SLCO3A1: variants seen among roughly 807,000 people sequenced by gnomAD.
SLCO3A1 encodes the protein solute carrier organic anion transporter family member 3A1, also known as PGE1 transporter.
A neutral mutation model predicts 63.1 loss-of-function variants in SLCO3A1; 27 were observed. That is an observed-to-expected ratio of 0.43 (90% CI 0.32 to 0.59). The LOEUF is 0.59. SLCO3A1 is among the 20% of genes least tolerant of loss of function. The pLI is 0.09. For synonymous variants in SLCO3A1, 473 were observed against 409.9 expected (o/e 1.15, Z -1.86); for missense variants, 773 against 945.8 (o/e 0.82, Z 2.40).
Position 91,885,286 on chromosome 15 carries a change from G to A in SLCO3A1, c.181-30707G>A, listed in dbSNP as rs1368357235. Reference sequence around the variant, plus strand: ...TCTTCCTTCTCCAGGGCTACCTCCTGAGGGCTCACTCCTTAAAGGCAGGAT... The same window carrying A: ...TCTTCCTTCTCCAGGGCTACCTCCTAAGGGCTCACTCCTTAAAGGCAGGAT... On this transcript the variant is annotated intron_variant, in intron 1 of 9. Transcript: ENST00000318445. The surrounding 1 kb of genome is among the most constrained non-coding windows in gnomAD (Gnocchi z 4.7). 3.9e-5 allele frequency among the ~76,000 whole-genome samples: 6 copies of A among 152,196 alleles called. No homozygotes were observed. The East Asian group carries it at 1.2e-3, about 29-fold the overall frequency.
chr15:92,123,429 A>C (rs1318488823), intron 5 of SLCO3A1, among the ~76,000 whole-genome samples: 1 of 152,032 alleles, frequency 6.6e-6, no homozygotes, highest in Admixed American at 6.6e-5. Context: ...TAAATAAATA[A>C]ATAAAATAAA....
Position 91,923,478 on chromosome 15 carries a change from A to G in SLCO3A1, c.646+7020A>G, listed in dbSNP as rs1898914161. ...ATCTCAAAGTGCATGAAGTGCTAGC[A>G]TTGCCCCAGGCAGGAGGAGAGCCAG... On this transcript the variant is annotated intron_variant, in intron 2 of 9. Coordinates refer to ENST00000318445, the MANE Select transcript of SLCO3A1 (RefSeq NM_013272.4). 3.9e-5 allele frequency among the ~76,000 whole-genome samples: 6 copies of G among 152,186 alleles called. 1 individual carries two copies. Among genetic ancestry groups the G allele is most frequent in the Admixed American group, 3.9e-4 (6 of 15,274 alleles).
chr15:91,853,786 G>C lies in SLCO3A1; in HGVS notation c.-123G>C. 1 of 975,454 alleles carries C rather than the reference G, an allele frequency of 1.0e-6. No homozygotes were observed. The highest frequency in any genetic ancestry group is 1.2e-6 in the Non-Finnish European group (1 of 801,860). The allele number at this position is 975,454 out of a possible 1,614,324, so 60.4% of individuals were successfully genotyped here. A position where few individuals can be genotyped will look rare whatever the true frequency, so the allele number is the denominator to read the frequency against. On this transcript the variant is annotated 5_prime_UTR_variant, in exon 1 of 10. Transcript: ENST00000318445. ...CCCCGGCAGGACGGGGGCGGCCGCC[G>C]CGAACCCGGGGCGGGGACAGCACGC...
chr15:91,893,888 C>G (rs898816095), intron 1 of SLCO3A1, among the ~76,000 whole-genome samples: 2 of 152,132 alleles, frequency 1.3e-5, no homozygotes, highest in Non-Finnish European at 2.9e-5. Context: ...AGAACTTGTA[C>G]GCAGGTAGGG....
chr15:92,125,163 G>A (rs1300543214), intron 5 of SLCO3A1, among the ~76,000 whole-genome samples: 1 of 152,160 alleles, frequency 6.6e-6, no homozygotes, highest in African/African-American at 2.4e-5. Flanking sequence ...ATACCAGCTG[G>A]TTAATGTAGT....
Position 91,954,971 on chromosome 15 carries a change from C to T in SLCO3A1, c.646+38513C>T, listed in dbSNP as rs985757755. Among the ~76,000 whole-genome samples the T allele has an allele frequency of 3.9e-5, 6 of 152,146 alleles. No individual in the cohort carries two copies. The highest frequency in any genetic ancestry group is 7.4e-5 in the Non-Finnish European group (5 of 68,024). On this transcript the variant is annotated intron_variant, in intron 2 of 9. Transcript: ENST00000318445. This position sits in a 1 kb window ranked among gnomAD's most constrained non-coding sequence, Gnocchi z 4.7. The stretch of plus-strand genomic sequence containing the variant: ...TCTCCTCTTGGCCTTGGGCTCTGAT[C>T]AGATGCTCAGTTGTCTCCCTTCTCT...
chr15:92,099,244 G>A (rs553730123), intron 3 of SLCO3A1, among the ~76,000 whole-genome samples: 11 of 152,200 alleles, frequency 7.2e-5, no homozygotes, highest in Admixed American at 1.3e-4. Flanking sequence ...CCATCCTGAG[G>A]GCTGGCTGCT....
intron 2 of SLCO3A1, among the ~76,000 whole-genome samples, chr15:91,925,565 G>T (rs1484534437): frequency 2.6e-5 from 4 of 151,860 alleles, no homozygotes; most frequent in African/African-American, 7.3e-5. Flanking sequence ...GTCAGTCCGG[G>T]CATGGTCAAT....
chr15:91,987,623 A>ACC (rs1308939458), intron 2 of SLCO3A1, among the ~76,000 whole-genome samples: 2 of 151,868 alleles, frequency 1.3e-5, no homozygotes, highest in Non-Finnish European at 2.9e-5. Context: ...GGCACCTGTA[A>ACC]CCCCAGCTGC....
intron 7 of SLCO3A1, among the ~76,000 whole-genome samples, chr15:92,130,586 T>A (rs1374650779): frequency 6.6e-6 from 1 of 152,032 alleles, no homozygotes; most frequent in Non-Finnish European, 1.5e-5. Flanking sequence ...CTTGTGACAG[T>A]CTAGCCTTAA....
In SLCO3A1 at chr15:91,874,232, G is replaced by A. The variant is rs554664329; in HGVS notation, c.180+20144G>A. On this transcript the variant is annotated intron_variant, in intron 1 of 9. Coordinates refer to ENST00000318445, the MANE Select transcript of SLCO3A1 (RefSeq NM_013272.4). Reference sequence around the variant, plus strand: ...GTGGTCTCTCTCAATACATCTTACTGTTGCTCACTATTTTCTGACTGTAGT... The same window carrying A: ...GTGGTCTCTCTCAATACATCTTACTATTGCTCACTATTTTCTGACTGTAGT... Among the ~76,000 whole-genome samples, 4 of 152,286 alleles carry A rather than the reference G, an allele frequency of 2.6e-5. No homozygotes were observed. The South Asian group carries it at 8.3e-4, about 32-fold the overall frequency.
In SLCO3A1 at chr15:91,886,905, C is replaced by G. The variant is rs373984491; in HGVS notation, c.181-29088C>G. Among the ~76,000 whole-genome samples the G allele has an allele frequency of 6.6e-6, 1 of 152,188 alleles. No homozygotes were observed. The highest frequency in any genetic ancestry group is 6.5e-5 in the Admixed American group (1 of 15,286). ...ATATTATCATTCAGAACCCCAGGCT[C>G]AGGAGGTTAAAAATTCTGCTTACAG... On this transcript the variant is annotated intron_variant, in intron 1 of 9. Transcript: ENST00000318445. This position sits in a 1 kb window ranked among gnomAD's most constrained non-coding sequence, Gnocchi z 4.9.
intron 2 of SLCO3A1, among the ~76,000 whole-genome samples, chr15:92,046,612 C>T (rs1171841060): frequency 6.6e-6 from 1 of 152,034 alleles, no homozygotes; most frequent in Non-Finnish European, 1.5e-5. Context: ...TACTGAAGTG[C>T]AGTACAGGCT....
chr15:91,969,535 C>G (rs1401900172), intron 2 of SLCO3A1, among the ~76,000 whole-genome samples: 2 of 152,088 alleles, frequency 1.3e-5, no homozygotes, highest in Non-Finnish European at 2.9e-5. Flanking sequence ...TCAAACTCCT[C>G]ACCTCAGGTG....
intron 2 of SLCO3A1, among the ~76,000 whole-genome samples, chr15:92,015,597 G>A (rs542609865): frequency 1.2e-3 from 179 of 152,208 alleles, no homozygotes; most frequent in African/African-American, 4.2e-3. Context: ...AACCATATTG[G>A]GTTTAGGACA....
rs367736458 is a variant in SLCO3A1 at position 92,104,448 on chromosome 15, C to G, written c.915C>G (p.Ser305=). 1.2e-6 allele frequency: 2 copies of G among 1,614,140 alleles called. No individual in the cohort carries two copies. Among genetic ancestry groups the G allele is most frequent in the Middle Eastern group, 1.6e-4 (1 of 6,062 alleles). ...TGGAAAGCGAGCAGGCCATGCTCTC[C>G]GAAAGAGAATACGAGAGACCCAAGC... ...PAMESEQAML[S]EREYERPKPS... is the part of the protein sequence containing the mutation. The change falls in exon 4 of 10, where the codon TCC becomes TCG. Residue 305 remains serine, a synonymous_variant. Transcript: ENST00000318445.
chr15:92,013,180 T>C (rs1052615237), intron 2 of SLCO3A1, among the ~76,000 whole-genome samples: 4 of 152,176 alleles, frequency 2.6e-5, no homozygotes, highest in Admixed American at 1.3e-4. Context: ...TCTAGACTTG[T>C]CAAAGGGCAA....
intron 2 of SLCO3A1, among the ~76,000 whole-genome samples, chr15:91,937,248 A>G (rs1597137450): frequency 6.6e-6 from 1 of 152,226 alleles, no homozygotes; most frequent in African/African-American, 2.4e-5. Context: ...TCCTGTGCTC[A>G]GCTGTCAGCT....
intron 2 of SLCO3A1, among the ~76,000 whole-genome samples, chr15:91,956,604 T>A (rs1257178463): frequency 6.6e-6 from 1 of 152,004 alleles, no homozygotes; most frequent in East Asian, 1.9e-4. Context: ...TGTATCATCT[T>A]AGAGAAAGAA....
Sources: allele counts gnomAD v4.1 joint callset (sites outside exome capture counted in the v4.1 genomes callset), GRCh38; gene constraint gnomAD v4.1.1; non-coding constraint Gnocchi (gnomAD v3.1); transcripts MANE v1.5; gene names NCBI Gene and HGNC (gene_info 2026-07-23, HGNC 2026-07-21).